RSPH6A: variants seen among roughly 807,000 people sequenced by gnomAD.
RSPH6A encodes radial spoke head 6 homolog A.
RSPH6A carries 49 observed loss-of-function variants against 66.1 expected under a neutral mutation model. The observed-to-expected ratio is 0.74, with a 90% CI of 0.59 to 0.94. RSPH6A has a LOEUF of 0.94. RSPH6A is among the 40% of genes least tolerant of loss of function. The pLI is 0.00. For synonymous variants in RSPH6A, 419 were observed against 402.4 expected, an observed-to-expected ratio of 1.04 and a Z score of -0.49; for missense variants, 977 against 948.3, an observed-to-expected ratio of 1.03 and a Z score of -0.40.
Position 45,795,804 on chromosome 19 carries a change from G to T in RSPH6A, c.*65C>A. The T allele has an allele frequency of 2.1e-6, 3 of 1,406,210 alleles. No individual in the cohort carries two copies. The highest frequency in any genetic ancestry group is 2.9e-6 in the Non-Finnish European group (3 of 1,025,902). 87.1% of individuals were successfully genotyped at this position (1,406,210 alleles called of 1,614,324 possible). The stretch of plus-strand genomic sequence containing the variant: ...AGCACATAGTGAAAATATAATCCAT[G>T]CTAACTACCTCTAAGGGGAAATTTG... On this transcript the variant is annotated 3_prime_UTR_variant, in exon 6 of 6. Coordinates refer to ENST00000221538, the MANE Select transcript of RSPH6A (RefSeq NM_030785.4).
At chr19:45,814,469 G>A (rs1568602581) in intron 1 of RSPH6A, 58 bp downstream of exon 1, 6 of 1,434,780 alleles carry the variant, frequency 4.2e-6, no homozygotes, top group South Asian at 3.3e-5. Flanking sequence ...CAGGCACTTC[G>A]GGTGGGGCCC....
rs772316278 is a variant in RSPH6A, at chr19:45,804,346, T to C, written c.1559A>G (p.Tyr520Cys). ...GCCCTCGAAGTCCGGGTTCTCCTCG[T>C]AGGAGTCGCGCCCAGCACCACCTTC... ...EEEGGAGRDS[Y>C]EENPDFEGIP... Residue 520 changes from tyrosine (Y) to cysteine (C), a missense_variant, in exon 3 of 6, where the codon TAC becomes TGC. Coordinates refer to ENST00000221538, the MANE Select transcript of RSPH6A (RefSeq NM_030785.4). The surrounding 1 kb of genome is among the most constrained non-coding windows in gnomAD (Gnocchi z 5.8). 6 of 1,614,092 alleles carry C rather than the reference T, an allele frequency of 3.7e-6. No individual in the cohort carries two copies. The highest frequency in any genetic ancestry group is 1.3e-5 in the African/African-American group (1 of 74,950).
rs1458457255 is a variant in RSPH6A at position 45,804,314 on chromosome 19, CGGG to C, written c.1588_1590del (p.Pro530del). On this transcript the variant is annotated inframe_deletion, in exon 3 of 6. Coordinates refer to ENST00000221538, the MANE Select transcript of RSPH6A (RefSeq NM_030785.4). The surrounding 1 kb of genome is among the most constrained non-coding windows in gnomAD (Gnocchi z 5.8). ...GCCATGGAGTCGACCAGCTCCAGCA[CGGG>C]GATGCCCTCGAAGTCCGGGTTCTCC... 6.2e-7 allele frequency: 1 copy of C among 1,614,034 alleles called. No individual in the cohort carries two copies. Among genetic ancestry groups the C allele is most frequent in the East Asian group, 2.2e-5 (1 of 44,900 alleles).
chr19:45,806,140 G>T (rs1340031420), intron 2 of RSPH6A, among the ~76,000 whole-genome samples: 2 of 152,200 alleles, frequency 1.3e-5, no homozygotes, highest in Non-Finnish European at 2.9e-5. Flanking sequence ...AGAAAGTTAA[G>T]GGAGAAGACA....
chr19:45,797,333 A>G (rs1325634603), intron 5 of RSPH6A, among the ~76,000 whole-genome samples: 2 of 150,572 alleles, frequency 1.3e-5, no homozygotes, highest in Non-Finnish European at 3.0e-5. Context: ...GTGAGCCAAG[A>G]TCGCGCCACT....
chr19:45,815,154 G>A lies in RSPH6A; in HGVS notation c.23C>T (p.Pro8Leu), dbSNP rs746628926. 6.8e-6 allele frequency: 11 copies of A among 1,607,136 alleles called. No homozygotes were observed. The highest frequency in any genetic ancestry group is 9.3e-6 in the Non-Finnish European group (11 of 1,178,922). Residue 8 changes from proline (P) to leucine (L), a missense_variant, in exon 1 of 6, where the codon CCT (proline) becomes CTT (leucine). Transcript: ENST00000221538. MGDLPPY[P>L]ERPAQQPPGR... Reference sequence around the variant, plus strand: ...CGGAGGCTGCTGGGCAGGGCGCTCAGGGTAGGGCGGCAGGTCTCCCATGGT... The same window carrying A: ...CGGAGGCTGCTGGGCAGGGCGCTCAAGGTAGGGCGGCAGGTCTCCCATGGT...
Position 45,815,267 on chromosome 19 carries a change from C to T in RSPH6A, c.-91G>A. 7.3e-7 allele frequency: 1 copy of T among 1,364,976 alleles called. No homozygotes were observed. Among genetic ancestry groups the T allele is most frequent in the African/African-American group, 1.5e-5 (1 of 68,340 alleles). 84.6% of individuals were successfully genotyped at this position (1,364,976 alleles called of 1,614,324 possible). A position where few individuals can be genotyped will look rare whatever the true frequency, so the allele number is the denominator to read the frequency against. ...CCTGTCGACACCGCCGGTTTCTGAG[C>T]ACCGAGAGAGGGGGCCGTTACCCGT... On this transcript the variant is annotated 5_prime_UTR_variant, in exon 1 of 6. Transcript: ENST00000221538.
At chr19:45,796,137 T>C in intron 5 of RSPH6A, 31 bp from the exon 6 acceptor site, 2 of 1,390,514 alleles carry the variant, frequency 1.4e-6, no homozygotes, top group South Asian at 1.5e-5. Context: ...TGTGAAATTC[T>C]CCCTCAAAGG....
chr19:45,804,634 T>G lies in RSPH6A; in HGVS notation c.1271A>C (p.Asn424Thr). Reference sequence around the variant, plus strand: ...GTTGCACACAAAGTACAGGTACTTGTTGGCGCCTGAGCGGCTCTCCTCCTT... The same window carrying G: ...GTTGCACACAAAGTACAGGTACTTGGTGGCGCCTGAGCGGCTCTCCTCCTT... The part of the protein sequence containing the change: ...IPKEESRSGA[N>T]KYLYFVCNEP... The change falls in exon 3 of 6, where the codon AAC becomes ACC. Residue 424 changes from asparagine (N) to threonine (T), a missense_variant. Asn to Thr is a moderately conservative substitution (Grantham distance 65, BLOSUM62 0). Transcript: ENST00000221538. The surrounding 1 kb of genome is among the most constrained non-coding windows in gnomAD (Gnocchi z 5.8). The G allele has an allele frequency of 1.2e-6, 2 of 1,614,150 alleles. No individual in the cohort carries two copies. Among genetic ancestry groups the G allele is most frequent in the Non-Finnish European group, 8.5e-7 (1 of 1,180,020 alleles).
At chr19:45,810,523 G>T in intron 2 of RSPH6A, 80 bp downstream of exon 2, 1 of 1,325,320 alleles carries the variant, frequency 7.5e-7, no homozygotes, top group Non-Finnish European at 1.1e-6. Flanking sequence ...TCGCCTCCAG[G>T]CCTTGGCACA....
At chr19:45,811,517 A>G (rs1179494980) in intron 1 of RSPH6A, among the ~76,000 whole-genome samples, 1 of 150,590 alleles carries the variant, frequency 6.6e-6, no homozygotes, top group Non-Finnish European at 1.5e-5. Context: ...AGCTCGCTGC[A>G]GTCTCTGTCT....
intron 2 of RSPH6A, among the ~76,000 whole-genome samples, chr19:45,810,086 A>G (rs1970602545): frequency 6.6e-6 from 1 of 152,190 alleles, no homozygotes; most frequent in Non-Finnish European, 1.5e-5. Context: ...AGGCAGGAGG[A>G]TGGCTTGAGG....
intron 5 of RSPH6A, among the ~76,000 whole-genome samples, chr19:45,798,489 G>A (rs148505837): frequency 0.02 from 2,996 of 148,582 alleles, 84 homozygotes; most frequent in African/African-American, 0.07. Context: ...GCAGTGAACC[G>A]TGATCACGCC....
At position 45,804,445 on chromosome 19, in the gene RSPH6A, C is replaced by T. The variant is rs774360093; in HGVS notation, c.1460G>A (p.Arg487His). 1.3e-5 allele frequency: 21 copies of T among 1,613,924 alleles called. No homozygotes were observed. Among genetic ancestry groups the T allele is most frequent in the Middle Eastern group, 3.3e-4 (2 of 6,082 alleles). The change falls in exon 3 of 6, where the codon CGC becomes CAC. Residue 487 changes from arginine (R) to histidine (H), a missense_variant. Transcript: ENST00000221538. This position sits in a 1 kb window ranked among gnomAD's most constrained non-coding sequence, Gnocchi z 5.8. ...GCTGACCTGCGTGGCGGCCGAGATG[C>T]GGGCTATCTGGGCCCGCAGGTAGTT... ...EANYLRAQIA[R>H]ISAATQVSPL...
chr19:45,810,689 T>C lies in RSPH6A; in HGVS notation c.802A>G (p.Thr268Ala). Residue 268 changes from threonine (T) to alanine (A), a missense_variant, in exon 2 of 6, where the codon ACC (threonine) becomes GCC (alanine). Transcript: ENST00000221538. ...TLRDDPEMQPTYKMAEKQKAL... is the reference protein window; with the variant it reads ...TLRDDPEMQPAYKMAEKQKAL... ...TTCTGTTTCTCCGCCATCTTGTAGG[T>C]GGGCTGCATCTCGGGGTCGTCCCGC... 6.2e-7 allele frequency: 1 copy of C among 1,614,078 alleles called. No individual in the cohort carries two copies. The highest frequency in any genetic ancestry group is 1.1e-5 in the South Asian group (1 of 91,066).
At chr19:45,803,856 G>A (rs1970504293) in intron 3 of RSPH6A, among the ~76,000 whole-genome samples, 1 of 151,598 alleles carries the variant, frequency 6.6e-6, no homozygotes, top group African/African-American at 2.4e-5. Flanking sequence ...AGCCAGGTGT[G>A]GCAGCGTGTG....
chr19:45,801,314 G>T (rs1970471480), intron 4 of RSPH6A, among the ~76,000 whole-genome samples: 1 of 152,188 alleles, frequency 6.6e-6, no homozygotes, highest in Non-Finnish European at 1.5e-5. Context: ...GTTGGTCATC[G>T]GTTTGGACCA....
chr19:45,810,563 A>C, intron 2 of RSPH6A, 40 bp downstream of exon 2: 1 of 1,583,944 alleles, frequency 6.3e-7, no homozygotes, highest in Non-Finnish European at 8.7e-7. Flanking sequence ...TTGGGCCCCC[A>C]CTGACCCTGA....
Position 45,814,833 on chromosome 19 carries a change from G to A in RSPH6A, c.344C>T (p.Thr115Ile), listed in dbSNP as rs1254239487. Residue 115 changes from threonine to isoleucine, a missense_variant, in exon 1 of 6, where the codon ACC becomes ATC. Transcript: ENST00000221538. Reference protein sequence around the residue: ...DESRMQVAELTTSLMLQRLQQ... With the variant: ...DESRMQVAELITSLMLQRLQQ... ...GAGCCGCTGCAGCATTAGGCTGGTG[G>A]TGAGCTCGGCGACCTGCATCCTGCT... 4 of 1,614,122 alleles carry A rather than the reference G, an allele frequency of 2.5e-6. No homozygotes were observed. Among genetic ancestry groups the A allele is most frequent in the East Asian group, 4.5e-5 (2 of 44,882 alleles).
Sources: gnomAD v4.1 joint callset for allele counts (sites outside exome capture counted in the v4.1 genomes callset) on GRCh38, gnomAD v4.1.1 for gene constraint, Gnocchi (gnomAD v3.1) non-coding constraint, MANE v1.5 for transcripts, NCBI Gene and HGNC (gene_info 2026-07-23, HGNC 2026-07-21) for gene names.